The following SFI1 variants were observed in gnomAD, a reference collection of about 807,000 sequenced individuals.
The protein encoded by SFI1 is SFI1 centrin binding protein, also known as protein SFI1 homolog.
SFI1 carries 195 observed loss-of-function variants against 207.5 expected under a neutral mutation model. That is an observed-to-expected ratio of 0.94 (90% CI 0.84 to 1.06). The LOEUF (loss-of-function observed/expected upper bound fraction) is 1.06, where lower values mean the gene tolerates loss of function less well. Ranked by LOEUF, SFI1 falls within the 50% of genes least tolerant of loss-of-function variation. The probability of loss-of-function intolerance (pLI) is 0.00; values close to 1 mark genes in which losing one functional copy is unlikely to be tolerated. For synonymous variants in SFI1, 630 were observed against 598.9 expected (o/e 1.05, Z -0.76); for missense variants, 1,634 against 1,588.0 (o/e 1.03, Z -0.49).
At chr22:31,557,120 G>A (rs2061246116) in intron 7 of SFI1, 61 bp downstream of exon 7, 3 of 1,022,772 alleles carry the variant, frequency 2.9e-6, no homozygotes, top group Non-Finnish European at 4.4e-6. Context: ...CAGCTTTATG[G>A]TGCTGGAAAA....
intron 12 of SFI1, among the ~76,000 whole-genome samples, chr22:31,582,232 ATATATTTTTTTT>A (rs2064376669): frequency 1.5e-4 from 4 of 25,972 alleles, no homozygotes; most frequent in Non-Finnish European, 2.7e-4. Flanking sequence ...ATATATATAT[ATATATTTTTTTT>A]TTTTTTTTTT....
chr22:31,590,132 C>T (rs1382779907), intron 15 of SFI1, among the ~76,000 whole-genome samples: 1 of 150,730 alleles, frequency 6.6e-6, no homozygotes, highest in Middle Eastern at 3.4e-3. Context: ...TTGTTCTACT[C>T]AGGCCCTCAA....
Position 31,616,790 on chromosome 22 carries a change from T to C in SFI1, c.3346T>C (p.Ser1116Pro), listed in dbSNP as rs1194918431. 1 of 1,607,224 alleles carries C rather than the reference T, an allele frequency of 6.2e-7. No individual in the cohort carries two copies. The highest frequency in any genetic ancestry group is 1.7e-5 in the Admixed American group (1 of 58,830). ...ATPRDKPPVP[S>P]SLASVPDPHL... Reference sequence around the variant, plus strand: ...TCCTAGGGATAAGCCCCCGGTCCCCTCATCCCTGGCCAGTGTCCCTGACCC... The same window carrying C: ...TCCTAGGGATAAGCCCCCGGTCCCCCCATCCCTGGCCAGTGTCCCTGACCC... The change falls in exon 30 of 33, where the codon TCA (serine) becomes CCA (proline). Residue 1116 changes from serine (S) to proline (P), a missense_variant. Ser to Pro is a moderately conservative substitution (Grantham distance 74). Coordinates refer to ENST00000400288, the MANE Select transcript of SFI1 (RefSeq NM_001007467.3).
intron 6 of SFI1, among the ~76,000 whole-genome samples, chr22:31,553,358 GTTGGT>G (rs1316559855): frequency 6.6e-6 from 1 of 151,096 alleles, no homozygotes; most frequent in Non-Finnish European, 1.5e-5. Context: ...TGTTTGTTTG[GTTGGT>G]TTGGTTTTTT....
rs372207469 is a variant in SFI1 at position 31,543,217 on chromosome 22, G to A, written c.339-3644G>A. 1.8e-4 allele frequency among the ~76,000 whole-genome samples: 27 copies of A among 148,792 alleles called. No homozygotes were observed. The East Asian group carries it at 2.4e-3, about 13-fold the overall frequency. The stretch of plus-strand genomic sequence containing the variant: ...GATCTCCTGACCTCATGATCCACCC[G>A]CCTTGGCCTCCCAAAGTGCTGGGAT... On this transcript the variant is annotated intron_variant, in intron 4 of 32. Coordinates refer to ENST00000400288, the MANE Select transcript of SFI1 (RefSeq NM_001007467.3).
chr22:31,606,283 T>C (rs1250403675), intron 20 of SFI1, 45 bp from the exon 21 acceptor site: 17 of 1,561,346 alleles, frequency 1.1e-5, no homozygotes, highest in East Asian at 2.2e-5. Flanking sequence ...CCCTTCTCTC[T>C]CTATCCTGGT....
Position 31,611,883 on chromosome 22 carries a change from C to T in SFI1, c.2490+43C>T, listed in dbSNP as rs201408879. 3.7e-6 allele frequency: 6 copies of T among 1,610,316 alleles called. No individual in the cohort carries two copies. In the African/African-American group the frequency reaches 8.0e-5, roughly 21 times the overall value. On this transcript the variant is annotated intron_variant, in intron 24 of 32. Transcript: ENST00000400288. ...GTCCCCTCTGCACTTCCTTCTCCAT[C>T]CTCTGGCCTGTGAGGCCTGGGCAGT...
chr22:31,563,591 T>TG lies in SFI1; in HGVS notation c.765+2199_765+2200insG, dbSNP rs57431299. 4.0e-5 allele frequency among the ~76,000 whole-genome samples: 6 copies of TG among 148,324 alleles called. No homozygotes were observed. In the Admixed American group the frequency reaches 4.1e-4, roughly 10 times the overall value. ...TTCCCCTTTTCTTGTTTGTTGTTGT[T>TG]TGTTTTTTTGTTTTGAGACAGTCTC... On this transcript the variant is annotated intron_variant, in intron 8 of 32. Transcript: ENST00000400288.
chr22:31,575,505 A>G (rs979580309), intron 10 of SFI1, 113 bp downstream of exon 10: 24 of 1,134,682 alleles, frequency 2.1e-5, no homozygotes, highest in Non-Finnish European at 2.9e-5. Context: ...AAACGATTCA[A>G]AACAGCCTTA....
intron 4 of SFI1, among the ~76,000 whole-genome samples, chr22:31,536,437 GTTT>G (rs2059000514): frequency 6.6e-6 from 1 of 152,116 alleles, no homozygotes; most frequent in Non-Finnish European, 1.5e-5. Context: ...TTGAGACGAA[GTTT>G]TGCTCTTGTT....
At chr22:31,576,326 C>CTT (rs962995134) in intron 10 of SFI1, among the ~76,000 whole-genome samples, 4 of 122,472 alleles carry the variant, frequency 3.3e-5, no homozygotes, top group African/African-American at 3.1e-5. Flanking sequence ...TACCCAGCCT[C>CTT]TTTTTTTTTT....
intron 27 of SFI1, chr22:31,614,469 C>T (rs1304275002): frequency 1.9e-6 from 1 of 526,750 alleles, no homozygotes; most frequent in African/African-American, 1.9e-5. Context: ...CACTGTTTGA[C>T]TGACCTTGAT....
At chr22:31,568,123 A>G (rs2062512892) in intron 8 of SFI1, among the ~76,000 whole-genome samples, 1 of 149,324 alleles carries the variant, frequency 6.7e-6, no homozygotes, top group African/African-American at 2.5e-5. Flanking sequence ...TGCAATTGGA[A>G]CTGTAAATAT....
At chr22:31,534,874 CTT>C (rs762234189) in intron 4 of SFI1, among the ~76,000 whole-genome samples, 4 of 139,946 alleles carry the variant, frequency 2.9e-5, no homozygotes, top group Admixed American at 7.2e-5. Flanking sequence ...ACTTCAAATG[CTT>C]TTTTTTTTTT....
At chr22:31,497,648 T>C (rs2052930877) in intron 1 of SFI1, among the ~76,000 whole-genome samples, 1 of 151,924 alleles carries the variant, frequency 6.6e-6, no homozygotes, top group Non-Finnish European at 1.5e-5. Context: ...TCTCTCACTT[T>C]ATATCAAAAG....
intron 1 of SFI1, among the ~76,000 whole-genome samples, chr22:31,498,122 G>T (rs892239192): frequency 6.6e-6 from 1 of 152,110 alleles, no homozygotes; most frequent in Non-Finnish European, 1.5e-5. Context: ...GTGAAACCCC[G>T]TCTCAACTAA....
intron 11 of SFI1, chr22:31,580,034 G>T: frequency 2.3e-6 from 1 of 429,122 alleles, no homozygotes; most frequent in Non-Finnish European, 4.2e-6. Context: ...CAGTATAGAT[G>T]GACAGCAGGG....
chr22:31,548,320 A>G (rs1301069932), intron 5 of SFI1, among the ~76,000 whole-genome samples: 1 of 152,090 alleles, frequency 6.6e-6, no homozygotes, highest in African/African-American at 2.4e-5. Flanking sequence ...CTATAATCCC[A>G]GTACTTTGGG....
intron 24 of SFI1, chr22:31,612,911 C>T: frequency 1.8e-6 from 1 of 547,416 alleles, no homozygotes; most frequent in Non-Finnish European, 3.3e-6. Context: ...TCCACGCATC[C>T]CCCTGCAGGA....
Sources: allele counts gnomAD v4.1 joint callset (sites outside exome capture counted in the v4.1 genomes callset), GRCh38; gene constraint gnomAD v4.1.1; transcripts MANE v1.5; gene names NCBI Gene and HGNC (gene_info 2026-07-23, HGNC 2026-07-21).